Variants in MTA3 observed in about 807,000 individuals in gnomAD.
MTA3 encodes metastasis-associated protein MTA3.
Under a neutral mutation model 83.5 loss-of-function variants are expected in MTA3, and 34 were observed. That is an observed-to-expected ratio of 0.41 (90% confidence interval 0.31 to 0.54). The LOEUF (loss-of-function observed/expected upper bound fraction) is 0.54. MTA3 is among the 20% of genes least tolerant of loss of function. The pLI, the probability that MTA3 is intolerant of heterozygous loss-of-function variation, is 0.33. For synonymous variants in MTA3, 303 were observed against 252.7 expected (o/e 1.20, Z -1.89); for missense variants, 761 against 726.4 (o/e 1.05, Z -0.55).
In MTA3 at chr2:42,743,082, C is replaced by T. The variant is rs565334897; in HGVS notation, c.1760-10292C>T. On this transcript the variant is annotated intron_variant, in intron 16 of 16. Transcript: ENST00000405094. ...CAGTAGAGGAGATAGAACATCCTGA[C>T]CTTGAGACAGTAGAATCTTATTCAG... is the stretch of plus-strand genomic sequence containing the variant. Among the ~76,000 whole-genome samples the T allele has an allele frequency of 7.2e-5, 11 of 152,254 alleles. No homozygotes were observed. The East Asian group carries it at 1.7e-3, about 24-fold the overall frequency.
chr2:42,678,615 C>G (rs1192050401), intron 8 of MTA3, among the ~76,000 whole-genome samples: 1 of 152,170 alleles, frequency 6.6e-6, no homozygotes, highest in African/African-American at 2.4e-5. Context: ...AGGTGTGAAC[C>G]ACCGCACCTG....
At chr2:42,725,903 G>A (rs1338714132) in intron 16 of MTA3, among the ~76,000 whole-genome samples, 1 of 152,184 alleles carries the variant, frequency 6.6e-6, no homozygotes, top group Non-Finnish European at 1.5e-5. Context: ...GTGTAATGGA[G>A]GCACACATGT....
At chr2:42,738,284 G>A (rs958565647) in intron 16 of MTA3, among the ~76,000 whole-genome samples, 13 of 152,054 alleles carry the variant, frequency 8.5e-5, no homozygotes, top group Non-Finnish European at 1.6e-4. Flanking sequence ...CAGAGAGACC[G>A]GCTGAAACCA....
At chr2:42,644,279 C>G (rs777867615) in intron 6 of MTA3, 35 bp downstream of exon 6, 1 of 1,419,100 alleles carries the variant, frequency 7.0e-7, no homozygotes, top group African/African-American at 1.4e-5. Context: ...TTTTGTGAAA[C>G]AAATATATCT....
chr2:42,554,252 T>C (rs1677273938), intron 2 of MTA3, among the ~76,000 whole-genome samples: 1 of 151,990 alleles, frequency 6.6e-6, no homozygotes, highest in Non-Finnish European at 1.5e-5. Flanking sequence ...TAAAGTAAAA[T>C]AAACTAGTTA....
intron 4 of MTA3, among the ~76,000 whole-genome samples, chr2:42,631,708 G>A (rs1686692036): frequency 6.6e-6 from 1 of 152,020 alleles, no homozygotes; most frequent in Non-Finnish European, 1.5e-5. Flanking sequence ...ATTATTTTTT[G>A]AGACGGAGTC....
In MTA3 at chr2:42,509,694, C is replaced by G. The variant is rs534870322; in HGVS notation, c.-141+14440C>G. On this transcript the variant is annotated intron_variant, in intron 2 of 17. Coordinates refer to the MTA3 transcript ENST00000405592. Reference sequence around the variant, plus strand: ...GCTGAGGTGGGAGGTTCAATTAAGCCTGGGGGGTTGAGGCTGCAGTGAGCC... The same window carrying G: ...GCTGAGGTGGGAGGTTCAATTAAGCGTGGGGGGTTGAGGCTGCAGTGAGCC... Among the ~76,000 whole-genome samples the G allele has an allele frequency of 8.6e-5, 13 of 151,950 alleles. No individual in the cohort carries two copies. The South Asian group carries it at 2.1e-3, about 24-fold the overall frequency.
intron 4 of MTA3, among the ~76,000 whole-genome samples, chr2:42,637,495 A>G (rs1687309896): frequency 1.3e-5 from 2 of 152,230 alleles, no homozygotes. Flanking sequence ...TTTGTTTGGC[A>G]TAAAGGAAAC....
intron 8 of MTA3, among the ~76,000 whole-genome samples, chr2:42,677,243 G>T (rs768275015): frequency 1.3e-5 from 2 of 152,108 alleles, no homozygotes; most frequent in Non-Finnish European, 2.9e-5. Flanking sequence ...ACGTGTTGTG[G>T]GAGGGACCAC....
At chr2:42,588,537 G>A (rs1402489780) in intron 3 of MTA3, among the ~76,000 whole-genome samples, 10 of 152,278 alleles carry the variant, frequency 6.6e-5, no homozygotes, top group East Asian at 3.9e-4. Context: ...TTTGCTAGAA[G>A]CAGATAATTT....
At chr2:42,626,628 TTCAGGCAG>T (rs1686129571) in intron 4 of MTA3, among the ~76,000 whole-genome samples, 1 of 152,156 alleles carries the variant, frequency 6.6e-6, no homozygotes. Context: ...TGACTTTGTC[TTCAGGCAG>T]TTGTGAAGTT....
chr2:42,638,273 G>A (rs1370865945), intron 4 of MTA3, among the ~76,000 whole-genome samples: 2 of 152,098 alleles, frequency 1.3e-5, no homozygotes, highest in South Asian at 2.1e-4. Flanking sequence ...GCATGTGTGA[G>A]CACATATTCA....
At chr2:42,727,293 A>G (rs1344424459) in intron 16 of MTA3, among the ~76,000 whole-genome samples, 1 of 152,194 alleles carries the variant, frequency 6.6e-6, no homozygotes, top group Non-Finnish European at 1.5e-5. Flanking sequence ...TAAAGGTTCA[A>G]AATTAGAGAT....
At chr2:42,674,851 C>T (rs367794873) in intron 8 of MTA3, among the ~76,000 whole-genome samples, 13 of 151,802 alleles carry the variant, frequency 8.6e-5, no homozygotes, top group African/African-American at 2.7e-4. Flanking sequence ...CTGCCCGCCT[C>T]GGCCTCCCAA....
chr2:42,637,110 C>T (rs1488357024), intron 4 of MTA3, among the ~76,000 whole-genome samples: 2 of 152,188 alleles, frequency 1.3e-5, no homozygotes, highest in African/African-American at 2.4e-5. Context: ...ATTATTTATT[C>T]ACATGTCTTT....
intron 7 of MTA3, among the ~76,000 whole-genome samples, chr2:42,657,874 A>G (rs1689310908): frequency 6.6e-6 from 1 of 151,774 alleles, no homozygotes. Context: ...GGTCAAGACT[A>G]GCCTGGCCAA....
intron 3 of MTA3, among the ~76,000 whole-genome samples, chr2:42,587,113 A>G (rs1420864024): frequency 6.6e-6 from 1 of 152,118 alleles, no homozygotes; most frequent in Non-Finnish European, 1.5e-5. Context: ...GAATACCTTG[A>G]ACCCAGGAGG....
chr2:42,548,831 T>TATATATATATATAATATATATATATA (rs1558428246), intron 2 of MTA3, among the ~76,000 whole-genome samples: 10 of 8,536 alleles, frequency 1.2e-3, no homozygotes, highest in Non-Finnish European at 2.2e-3. Context: ...ATATATATAA[T>TATATATATATATAATATATATATATA]ATATATATAT....
At chr2:42,600,283 A>T (rs1315094494) in intron 3 of MTA3, among the ~76,000 whole-genome samples, 1 of 152,128 alleles carries the variant, frequency 6.6e-6, no homozygotes, top group Non-Finnish European at 1.5e-5. Flanking sequence ...GGGCAACAGG[A>T]TTAGAAGAAA....
Sources: allele counts gnomAD v4.1 joint callset (sites outside exome capture counted in the v4.1 genomes callset), GRCh38; gene constraint gnomAD v4.1.1; transcripts MANE v1.5; gene names NCBI Gene and HGNC (gene_info 2026-07-23, HGNC 2026-07-21).